Variants in PPFIBP2 observed in about 807,000 individuals in gnomAD.
PPFIBP2 encodes liprin-beta-2.
A neutral mutation model predicts 118.3 loss-of-function variants in PPFIBP2; 118 were observed. That is an observed-to-expected ratio of 1.00 (90% confidence interval 0.86 to 1.16). The LOEUF is 1.16. PPFIBP2 is among the 50% of genes most tolerant of loss of function. The pLI, the probability that PPFIBP2 is intolerant of heterozygous loss-of-function variation, is 0.00. For missense variants in PPFIBP2, 1,195 were observed against 1,073.1 expected (o/e 1.11, Z -1.59); for synonymous variants, 414 against 397.4 (o/e 1.04, Z -0.50).
intron 3 of PPFIBP2, among the ~76,000 whole-genome samples, chr11:7,592,464 T>TCA (rs1465824996): frequency 6.6e-6 from 1 of 151,178 alleles, no homozygotes; most frequent in East Asian, 2.0e-4. Flanking sequence ...TAAGTTCTTC[T>TCA]CAAGATGTTT....
intron 1 of PPFIBP2, among the ~76,000 whole-genome samples, chr11:7,535,386 A>G (rs1590146859): frequency 6.6e-6 from 1 of 152,276 alleles, no homozygotes; most frequent in Non-Finnish European, 1.5e-5. Context: ...GGTATCAGGA[A>G]CCCAGGAGCA....
At chr11:7,591,235 A>G (rs528044078) in intron 3 of PPFIBP2, among the ~76,000 whole-genome samples, 1 of 152,128 alleles carries the variant, frequency 6.6e-6, no homozygotes, top group East Asian at 1.9e-4. Flanking sequence ...GGCTTGCTGG[A>G]GTCTCTGGAA....
chr11:7,631,224 G>A, intron 11 of PPFIBP2, 196 bp downstream of exon 11: 2 of 551,266 alleles, frequency 3.6e-6, no homozygotes, highest in Non-Finnish European at 6.5e-6. Context: ...TCTGGTTGGA[G>A]GCAGCATGGT....
chr11:7,663,406 T>C, the PPFIBP2 span, among the ~76,000 whole-genome samples: 311 of 151,740 alleles, frequency 2.0e-3, 2 homozygotes, highest in African/African-American at 5.6e-3. Context: ...AATACCCTGC[T>C]GTGTGAGGTG....
At chr11:7,651,990 T>C in intron 23 of PPFIBP2, 146 bp downstream of exon 23, 1 of 775,386 alleles carries the variant, frequency 1.3e-6, no homozygotes, top group Non-Finnish European at 2.0e-6. Flanking sequence ...GCTTGTGGTC[T>C]GTGAGGCCAG....
At chr11:7,608,801 A>G (rs774375849) in intron 5 of PPFIBP2, among the ~76,000 whole-genome samples, 1 of 152,246 alleles carries the variant, frequency 6.6e-6, no homozygotes, top group Non-Finnish European at 1.5e-5. Context: ...AAGAAGATGT[A>G]TACAAAAGCA....
chr11:7,560,588 G>A (rs779619283), intron 2 of PPFIBP2, among the ~76,000 whole-genome samples: 1 of 152,186 alleles, frequency 6.6e-6, no homozygotes, highest in Non-Finnish European at 1.5e-5. Flanking sequence ...AAATTAAGAT[G>A]CTGCTGAGAT....
At chr11:7,590,409 G>C (rs562370150) in intron 3 of PPFIBP2, among the ~76,000 whole-genome samples, 105 of 152,204 alleles carry the variant, frequency 6.9e-4, no homozygotes, top group Middle Eastern at 3.4e-3. Flanking sequence ...AGAAGAGGAA[G>C]ATGCACTGTT....
chr11:7,593,350 T>C (rs1401152674), intron 4 of PPFIBP2, 126 bp downstream of exon 4: 1 of 1,346,440 alleles, frequency 7.4e-7, no homozygotes, highest in Non-Finnish European at 9.9e-7. Flanking sequence ...CCTATGTTTT[T>C]AGAAAAGACT....
intron 4 of PPFIBP2, 48 bp downstream of exon 4, chr11:7,593,272 T>C (rs770722650): frequency 4.4e-6 from 7 of 1,597,774 alleles, no homozygotes; most frequent in Non-Finnish European, 6.0e-6. Flanking sequence ...CCTCCTACTA[T>C]GTAGCTTCCC....
intron 1 of PPFIBP2, among the ~76,000 whole-genome samples, chr11:7,537,044 A>G (rs1434208889): frequency 6.6e-6 from 1 of 152,114 alleles, no homozygotes; most frequent in Non-Finnish European, 1.5e-5. Flanking sequence ...GCTCCTTGAG[A>G]AGGATCCTTC....
intron 18 of PPFIBP2, 29 bp downstream of exon 18, chr11:7,648,566 T>A: frequency 1.2e-6 from 2 of 1,609,614 alleles, no homozygotes; most frequent in Middle Eastern, 1.7e-4. Flanking sequence ...GAGAGGAGGC[T>A]CCCATTTCTC....
At chr11:7,656,537 ATTTATT>A (rs1392412610), downstream of PPFIBP2, among the ~76,000 whole-genome samples, 2 of 152,146 alleles carry the variant, frequency 1.3e-5, no homozygotes, top group East Asian at 1.9e-4. Flanking sequence ...AAGATGAACA[ATTTATT>A]TTTATCTTAA....
chr11:7,606,140 C>A, intron 5 of PPFIBP2: 2 of 1,143,796 alleles, frequency 1.7e-6, no homozygotes, highest in South Asian at 3.9e-5. Flanking sequence ...TGCAGATGGT[C>A]GGGGGGCAAA....
chr11:7,627,608 C>T (rs1850197890), intron 8 of PPFIBP2, among the ~76,000 whole-genome samples: 1 of 152,184 alleles, frequency 6.6e-6, no homozygotes, highest in Non-Finnish European at 1.5e-5. Context: ...TCAACAGAGT[C>T]CCTCTTGGGT....
At chr11:7,519,527 C>CA (rs1429322822) in intron 1 of PPFIBP2, among the ~76,000 whole-genome samples, 4 of 152,038 alleles carry the variant, frequency 2.6e-5, no homozygotes, top group South Asian at 4.2e-4. Context: ...GACTGAATTG[C>CA]AAAAAAAGAA....
intron 5 of PPFIBP2, among the ~76,000 whole-genome samples, chr11:7,609,521 A>G (rs535476784): frequency 2.0e-5 from 3 of 152,226 alleles, no homozygotes; most frequent in East Asian, 3.9e-4. Context: ...TGTCTTGCCT[A>G]TCATCTTTAT....
downstream of PPFIBP2, chr11:7,655,450 T>C: frequency 1.6e-6 from 2 of 1,289,716 alleles, no homozygotes; most frequent in Non-Finnish European, 2.0e-6. Flanking sequence ...CTTCGGAAGG[T>C]ACCGTGACGC....
the PPFIBP2 span, among the ~76,000 whole-genome samples, chr11:7,663,345 T>G: frequency 6.6e-6 from 1 of 151,160 alleles, no homozygotes; most frequent in East Asian, 1.9e-4. Context: ...GTCCTTTCTG[T>G]TTGTTAGTTT....
Sources: gnomAD v4.1 joint callset for allele counts (sites outside exome capture counted in the v4.1 genomes callset) on GRCh38, gnomAD v4.1.1 for gene constraint, MANE v1.5 for transcripts, NCBI Gene and HGNC (gene_info 2026-07-23, HGNC 2026-07-21) for gene names.